The following DSCAM variants were observed in gnomAD, a reference collection of about 807,000 sequenced individuals.
The protein encoded by DSCAM is DS cell adhesion molecule, also known as cell adhesion molecule DSCAM.
A neutral mutation model predicts 217.7 loss-of-function variants in DSCAM; 47 were observed. That is an observed-to-expected ratio of 0.22 (90% CI 0.17 to 0.28). The LOEUF is 0.28. Among genes scored for constraint, DSCAM ranks in the 10% least tolerant of loss-of-function variants. DSCAM has a pLI of 1.00. For synonymous variants in DSCAM, 1,056 were observed against 1,015.3 expected (o/e 1.04, Z -0.76); for missense variants, 2,080 against 2,618.3 (o/e 0.79, Z 4.49).
At chr21:40,192,671 T>C (rs1468557749) in intron 11 of DSCAM, among the ~76,000 whole-genome samples, 1 of 152,240 alleles carries the variant, frequency 6.6e-6, no homozygotes, top group Non-Finnish European at 1.5e-5. Context: ...ATATAGCATG[T>C]ATTCTTTAGT....
At chr21:40,648,250 TAC>T (rs10639388) in intron 3 of DSCAM, among the ~76,000 whole-genome samples, 3,769 of 145,702 alleles carry the variant, frequency 0.026, 113 homozygotes, top group African/African-American at 0.067. Flanking sequence ...CATATCCCTG[TAC>T]ACACACACAC....
intron 31 of DSCAM, 46 bp downstream of exon 31, chr21:40,044,032 G>T: frequency 6.2e-7 from 1 of 1,602,874 alleles, no homozygotes; most frequent in Non-Finnish European, 8.5e-7. Flanking sequence ...AAGGTGCGGG[G>T]GCCGTGCTGG....
rs1226604897 is a variant in DSCAM at position 40,052,115 on chromosome 21, A to G, written c.5036-8T>C. On this transcript the variant is annotated splice_polypyrimidine_tract_variant and splice_region_variant and intron_variant, in intron 29 of 32. Coordinates refer to ENST00000400454, the MANE Select transcript of DSCAM (RefSeq NM_001389.5). ...GAACCGTGGAGCGATCATCTACAGGATGGCAGGAACACAGAAAGCCAAACA... is the reference window on the plus strand; with the variant it reads ...GAACCGTGGAGCGATCATCTACAGGGTGGCAGGAACACAGAAAGCCAAACA... 11 of 1,613,212 alleles carry G rather than the reference A, an allele frequency of 6.8e-6. No homozygotes were observed. Among genetic ancestry groups the G allele is most frequent in the South Asian group, 1.1e-5 (1 of 90,894 alleles).
chr21:40,646,139 A>G (rs9984496), intron 3 of DSCAM, among the ~76,000 whole-genome samples: 80,821 of 152,006 alleles, frequency 0.53, 21,676 homozygotes, highest in East Asian at 0.67. Flanking sequence ...GAAAATCACT[A>G]AAAGAAGTGG....
chr21:40,085,148 G>A (rs1335715579), intron 23 of DSCAM, among the ~76,000 whole-genome samples: 3 of 152,154 alleles, frequency 2.0e-5, no homozygotes, highest in East Asian at 1.9e-4. Flanking sequence ...ATACTACAGC[G>A]ATCTACTTAG....
At chr21:40,396,022 C>T (rs934207907) in intron 3 of DSCAM, among the ~76,000 whole-genome samples, 3 of 152,178 alleles carry the variant, frequency 2.0e-5, no homozygotes, top group African/African-American at 7.2e-5. Context: ...CCTGTGCCTA[C>T]GGAAGCGGGT....
chr21:40,321,065 GA>G (rs2074254116), intron 8 of DSCAM, among the ~76,000 whole-genome samples: 1 of 152,194 alleles, frequency 6.6e-6, no homozygotes, highest in African/African-American at 2.4e-5. Flanking sequence ...TTATGAGATT[GA>G]AAACCATGAA....
intron 3 of DSCAM, among the ~76,000 whole-genome samples, chr21:40,386,495 C>T (rs77448842): frequency 0.074 from 11,254 of 152,226 alleles, 747 homozygotes; most frequent in Admixed American, 0.23. Flanking sequence ...ACTCGGTGCC[C>T]CCTGCTGGTC....
chr21:40,563,208 A>ATT (rs146517760), intron 3 of DSCAM, among the ~76,000 whole-genome samples: 1 of 151,620 alleles, frequency 6.6e-6, no homozygotes, highest in East Asian at 2.0e-4. Context: ...GGACTCTCTC[A>ATT]TTTTTTTTAC....
intron 1 of DSCAM, among the ~76,000 whole-genome samples, chr21:40,815,740 T>C (rs998723466): frequency 6.6e-6 from 1 of 152,214 alleles, no homozygotes; most frequent in Non-Finnish European, 1.5e-5. Flanking sequence ...TAGGTTATCA[T>C]ACTGTTCCTG....
At chr21:40,264,851 T>C (rs1013706381) in intron 11 of DSCAM, among the ~76,000 whole-genome samples, 1 of 152,130 alleles carries the variant, frequency 6.6e-6, no homozygotes, top group African/African-American at 2.4e-5. Context: ...ACAATATCAA[T>C]ATACACAAAT....
At chr21:40,739,795 T>C (rs936092842) in intron 1 of DSCAM, among the ~76,000 whole-genome samples, 11 of 151,424 alleles carry the variant, frequency 7.3e-5, no homozygotes, top group African/African-American at 2.7e-4. Flanking sequence ...TTTTTTTTTT[T>C]TCCCCCAGAA....
At position 40,062,912 on chromosome 21, in the gene DSCAM, A is replaced by G; in HGVS notation, c.4889-13T>C. 2 of 1,598,362 alleles carry G rather than the reference A, an allele frequency of 1.3e-6. No individual in the cohort carries two copies. The highest frequency in any genetic ancestry group is 1.1e-5 in the South Asian group (1 of 87,474). ...AAACTCTTTGCATCTGGGGAAAGAA[A>G]GTTAACATTAGTACATGGTAAATAA... On this transcript the variant is annotated splice_polypyrimidine_tract_variant and intron_variant, in intron 27 of 32. Transcript: ENST00000400454.
At chr21:40,022,803 A>C (rs2088298564) in intron 32 of DSCAM, among the ~76,000 whole-genome samples, 1 of 151,436 alleles carries the variant, frequency 6.6e-6, no homozygotes, top group South Asian at 2.1e-4. Context: ...TTATATCTAA[A>C]CTTTTTATTA....
At chr21:40,294,781 G>T (rs1475940010) in intron 10 of DSCAM, among the ~76,000 whole-genome samples, 1 of 152,166 alleles carries the variant, frequency 6.6e-6, no homozygotes, top group African/African-American at 2.4e-5. Context: ...ATGCACAATG[G>T]AGCTTCAAAT....
At chr21:40,088,300 C>T (rs761295393) in intron 21 of DSCAM, among the ~76,000 whole-genome samples, 5 of 152,032 alleles carry the variant, frequency 3.3e-5, no homozygotes, top group Non-Finnish European at 7.4e-5. Context: ...AATGTGAGAC[C>T]CCTGCACCAT....
chr21:40,282,548 G>A (rs559527842), intron 10 of DSCAM, among the ~76,000 whole-genome samples: 10 of 125,386 alleles, frequency 8.0e-5, no homozygotes, highest in East Asian at 4.8e-4. Flanking sequence ...CCAAGACAGC[G>A]CCACTGCAGT....
At chr21:40,438,631 A>T (rs2075604348) in intron 3 of DSCAM, among the ~76,000 whole-genome samples, 2 of 152,208 alleles carry the variant, frequency 1.3e-5, no homozygotes, top group South Asian at 4.1e-4. Flanking sequence ...AGTGTCTCTG[A>T]GTAAAAGCTA....
rs527822428 is a variant in DSCAM at position 40,081,304 on chromosome 21, A to G, written c.4232-964T>C. On this transcript the variant is annotated intron_variant, in intron 24 of 32. Transcript: ENST00000400454. ...TTCTATTCCTGTCCTGTGGAGCTCC[A>G]TTTTAATAAAAATAAAGCATTTTTT... is the stretch of plus-strand genomic sequence containing the variant. 8.7e-5 allele frequency among the ~76,000 whole-genome samples: 12 copies of G among 138,668 alleles called. No individual in the cohort carries two copies. In the East Asian group the frequency reaches 2.5e-3, roughly 29 times the overall value. 91.0% of individuals were successfully genotyped at this position (138,668 alleles called of 152,430 possible). A position where few individuals can be genotyped will look rare whatever the true frequency, so the allele number is the denominator to read the frequency against.
Sources: gnomAD v4.1 joint callset for allele counts (sites outside exome capture counted in the v4.1 genomes callset) on GRCh38, gnomAD v4.1.1 for gene constraint, MANE v1.5 for transcripts, NCBI Gene and HGNC (gene_info 2026-07-23, HGNC 2026-07-21) for gene names.